Variants in ADGRD1 observed in about 807,000 individuals in gnomAD.
ADGRD1 encodes the protein adhesion G protein-coupled receptor D1.
Under a neutral mutation model 113.4 loss-of-function variants are expected in ADGRD1, and 77 were observed. The observed-to-expected ratio is 0.68, with a 90% CI of 0.57 to 0.82. The LOEUF is 0.82. ADGRD1 is among the 40% of genes least tolerant of loss of function. The pLI is 0.00. For missense variants in ADGRD1, 1,036 were observed against 1,139.1 expected (o/e 0.91, Z 1.30); for synonymous variants, 474 against 475.0 (o/e 1.00, Z 0.03).
chr12:130,974,264 A>T (rs540969738), intron 4 of ADGRD1, among the ~76,000 whole-genome samples: 1 of 152,342 alleles, frequency 6.6e-6, no homozygotes, highest in East Asian at 1.9e-4. Flanking sequence ...CTGTAGCAGG[A>T]GGCAGAGGAG....
rs545648266 is a variant in ADGRD1 at position 131,037,452 on chromosome 12, T to TG, written c.1473+23116dup. On this transcript the variant is annotated intron_variant, in intron 13 of 24. Transcript: ENST00000261654. ...CTGCACCAGGATCTTACTCACTGCATGGGGCCTCACTCACTGCACCGGGCC... is the reference window on the plus strand; with the variant it reads ...CTGCACCAGGATCTTACTCACTGCATGGGGGCCTCACTCACTGCACCGGGCC... 1.2e-4 allele frequency among the ~76,000 whole-genome samples: 16 copies of TG among 136,836 alleles called. No homozygotes were observed. The South Asian group carries it at 3.6e-3, about 31-fold the overall frequency. The allele number at this position is 136,836 out of a possible 152,430, so 89.8% of individuals were successfully genotyped here. A position where few individuals can be genotyped will look rare whatever the true frequency, so the allele number is the denominator to read the frequency against.
At chr12:131,105,106 C>G (rs918367944) in intron 16 of ADGRD1, among the ~76,000 whole-genome samples, 172 bp downstream of exon 16, 1 of 152,198 alleles carries the variant, frequency 6.6e-6, no homozygotes, top group Non-Finnish European at 1.5e-5. Context: ...TGGTGGAACC[C>G]GAGCCAGGCA....
chr12:131,048,397 C>T (rs1007834455), intron 13 of ADGRD1, among the ~76,000 whole-genome samples: 3 of 152,206 alleles, frequency 2.0e-5, no homozygotes, highest in Non-Finnish European at 4.4e-5. Context: ...AGCCGCCCAT[C>T]CTCGGGTGTC....
intron 18 of ADGRD1, among the ~76,000 whole-genome samples, chr12:131,111,292 A>G (rs1307712545): frequency 6.6e-6 from 1 of 151,552 alleles, no homozygotes; most frequent in Non-Finnish European, 1.5e-5. Flanking sequence ...GAGTTTCTCC[A>G]TGTTGTCCAG....
At chr12:131,021,690 G>A (rs1330749079) in intron 13 of ADGRD1, among the ~76,000 whole-genome samples, 2 of 152,086 alleles carry the variant, frequency 1.3e-5, no homozygotes, top group East Asian at 1.9e-4. Context: ...TCCCTCGTGC[G>A]TGTCTGTGTC....
At chr12:131,039,159 C>T (rs962469084) in intron 13 of ADGRD1, among the ~76,000 whole-genome samples, 15 of 151,848 alleles carry the variant, frequency 9.9e-5, no homozygotes, top group East Asian at 9.7e-4. Flanking sequence ...TGAGCCGGGA[C>T]GGTGCGGAGA....
chr12:131,006,389 A>T (rs1339973068), intron 12 of ADGRD1, among the ~76,000 whole-genome samples: 1 of 152,222 alleles, frequency 6.6e-6, no homozygotes, highest in South Asian at 2.1e-4. Flanking sequence ...TGTGTCAGTC[A>T]TGGGCAAACA....
Position 131,060,453 on chromosome 12 carries a change from G to A in ADGRD1, c.1474-16348G>A, listed in dbSNP as rs1425578396. ...GGGGTCATGTTCAAAAGACCCAGCA[G>A]CATGGACAATGCTGTGTCAGAGCGA... On this transcript the variant is annotated intron_variant, in intron 13 of 24. Coordinates refer to ENST00000261654, the MANE Select transcript of ADGRD1 (RefSeq NM_198827.5). This position sits in a 1 kb window ranked among gnomAD's most constrained non-coding sequence, Gnocchi z 4.4. 6.6e-6 allele frequency among the ~76,000 whole-genome samples: 1 copy of A among 152,238 alleles called. No homozygotes were observed. Among genetic ancestry groups the A allele is most frequent in the Non-Finnish European group, 1.5e-5 (1 of 68,038 alleles).
chr12:131,000,278 C>A, intron 8 of ADGRD1, 105 bp from the exon 9 acceptor site: 1 of 828,628 alleles, frequency 1.2e-6, no homozygotes, highest in Non-Finnish European at 2.1e-6. Flanking sequence ...TAAAACTGAA[C>A]TGGTGGTTGA....
rs1403818617 is a variant in ADGRD1 at position 131,003,054 on chromosome 12, G to A, written c.1027-131G>A. ...GTCCCCTCCTGATCCATGGGAAGGG[G>A]CAGTTGTGTGACTTCTTCCTCCCTC... On this transcript the variant is annotated intron_variant, in intron 9 of 24. Transcript: ENST00000261654. This position sits in a 1 kb window ranked among gnomAD's most constrained non-coding sequence, Gnocchi z 4.8. The A allele has an allele frequency of 1.3e-6, 1 of 782,724 alleles. No homozygotes were observed. Among genetic ancestry groups the A allele is most frequent in the Non-Finnish European group, 2.2e-6 (1 of 449,508 alleles). The allele number at this position is 782,724 out of a possible 1,614,324, so 48.5% of individuals were successfully genotyped here.
At chr12:131,040,888 T>C (rs191179021) in intron 13 of ADGRD1, among the ~76,000 whole-genome samples, 229 of 152,332 alleles carry the variant, frequency 1.5e-3, no homozygotes, top group Middle Eastern at 3.4e-3. Flanking sequence ...GTGGCCAATA[T>C]TTACATCAGA....
intron 19 of ADGRD1, among the ~76,000 whole-genome samples, chr12:131,119,362 C>T (rs149177001): frequency 0.014 from 2,081 of 152,338 alleles, 40 homozygotes; most frequent in African/African-American, 0.043. Flanking sequence ...AGCATGGTTA[C>T]GCAGACCACT....
Position 130,954,108 on chromosome 12 carries a change from A to G in ADGRD1, c.-358A>G. The G allele has an allele frequency of 4.2e-6, 1 of 238,398 alleles. No homozygotes were observed. The highest frequency in any genetic ancestry group is 7.9e-6 in the Non-Finnish European group (1 of 125,832). 14.8% of individuals were successfully genotyped at this position (238,398 alleles called of 1,614,324 possible). On this transcript the variant is annotated 5_prime_UTR_variant, in exon 1 of 25. In the 5' UTR this introduces an upstream ATG that the reference lacks. Coordinates refer to ENST00000261654, the MANE Select transcript of ADGRD1 (RefSeq NM_198827.5). This position sits in a 1 kb window ranked among gnomAD's most constrained non-coding sequence, Gnocchi z 4.7. ...GAGGCTCTTGAAATAAAAAGAAAAT[A>G]CCGCAGGACAAACAGCCTCCCGTCC...
chr12:130,983,714 A>G (rs1873292743), intron 5 of ADGRD1, among the ~76,000 whole-genome samples: 1 of 152,242 alleles, frequency 6.6e-6, no homozygotes, highest in African/African-American at 2.4e-5. Context: ...AGCGTGCTCC[A>G]GAGACTCAAA....
chr12:131,028,390 G>A (rs961106100), intron 13 of ADGRD1, among the ~76,000 whole-genome samples: 1 of 151,886 alleles, frequency 6.6e-6, no homozygotes. Context: ...TCTCTTACAC[G>A]GGGTCTTCCC....
At chr12:130,978,147 C>G (rs1424227971) in intron 4 of ADGRD1, 1 of 152,166 alleles carries the variant, frequency 6.6e-6, no homozygotes, top group African/African-American at 2.4e-5. Context: ...TAGAAATCAT[C>G]CTTTGTCTTA....
chr12:131,139,280 C>G lies in ADGRD1; in HGVS notation c.*17C>G. The G allele has an allele frequency of 1.3e-6, 2 of 1,579,328 alleles. No individual in the cohort carries two copies. Among genetic ancestry groups the G allele is most frequent in the South Asian group, 1.1e-5 (1 of 89,150 alleles). ...GCCGTGTGAGCCGGGAGGCTGCCAA[C>G]CAGGCCAGGCTGCGCTCAGAACACA... On this transcript the variant is annotated 3_prime_UTR_variant, in exon 25 of 25. Coordinates refer to ENST00000261654, the MANE Select transcript of ADGRD1 (RefSeq NM_198827.5).
At position 131,120,933 on chromosome 12, in the gene ADGRD1, G is replaced by A. The variant is rs776640158; in HGVS notation, c.2175+20G>A. 4 of 1,611,696 alleles carry A rather than the reference G, an allele frequency of 2.5e-6. No homozygotes were observed. The highest frequency in any genetic ancestry group is 3.4e-6 in the Non-Finnish European group (4 of 1,178,250). ...ATCGTGGTACGTTTCCTACCCTTGT[G>A]GGCGCAGAGCGGGGCTGGGGAGGGG... On this transcript the variant is annotated intron_variant, in intron 20 of 24. Coordinates refer to ENST00000261654, the MANE Select transcript of ADGRD1 (RefSeq NM_198827.5).
At chr12:130,996,728 C>T (rs1298217410) in intron 8 of ADGRD1, among the ~76,000 whole-genome samples, 4 of 91,820 alleles carry the variant, frequency 4.4e-5, no homozygotes, top group Admixed American at 9.4e-5. Flanking sequence ...ACCACCCTCC[C>T]GGACGGGGTG....
Sources: allele counts gnomAD v4.1 joint callset (sites outside exome capture counted in the v4.1 genomes callset), GRCh38; gene constraint gnomAD v4.1.1; non-coding constraint Gnocchi (gnomAD v3.1); transcripts MANE v1.5; gene names NCBI Gene and HGNC (gene_info 2026-07-23, HGNC 2026-07-21).